The following SVOPL variants were observed in gnomAD, a reference collection of about 807,000 sequenced individuals.
SVOPL encodes the protein putative transporter SVOPL.
Under a neutral mutation model 61.0 loss-of-function variants are expected in SVOPL, and 60 were observed. That is an observed-to-expected ratio of 0.98 (90% confidence interval 0.80 to 1.22). The LOEUF (loss-of-function observed/expected upper bound fraction) is 1.22, where lower values mean the gene tolerates loss of function less well. Ranked by LOEUF, SVOPL falls within the 50% of genes most tolerant of loss-of-function variation. SVOPL has a pLI of 0.00. For synonymous variants in SVOPL, 279 were observed against 250.0 expected, an observed-to-expected ratio of 1.12 and a Z score of -1.09; for missense variants, 662 against 643.9, an observed-to-expected ratio of 1.03 and a Z score of -0.30.
chr7:138,649,231 T>G, intron 7 of SVOPL, 94 bp from the exon 8 acceptor site: 3 of 1,425,094 alleles, frequency 2.1e-6, no homozygotes, highest in Non-Finnish European at 1.9e-6. Flanking sequence ...AAGATTAAAA[T>G]TCCTTCTGTC....
At chr7:138,596,001 A>G (rs1339949256) in intron 15 of SVOPL, among the ~76,000 whole-genome samples, 1 of 152,132 alleles carries the variant, frequency 6.6e-6, no homozygotes, top group Non-Finnish European at 1.5e-5. Context: ...CAGCCTGGCC[A>G]ACATGGTGAA....
At chr7:138,601,087 TA>T (rs1408173343) in intron 14 of SVOPL, among the ~76,000 whole-genome samples, 3 of 150,812 alleles carry the variant, frequency 2.0e-5, no homozygotes, top group African/African-American at 7.3e-5. Flanking sequence ...CTGTCTCTAC[TA>T]AAAAATACAA....
At chr7:138,645,983 T>G (rs1801086249) in intron 8 of SVOPL, 2 of 158,012 alleles carry the variant, frequency 1.3e-5, no homozygotes, top group South Asian at 1.8e-4. Context: ...GCCTGGCTAA[T>G]TTTTGTATTT....
chr7:138,630,657 A>G (rs1401140921), intron 9 of SVOPL, among the ~76,000 whole-genome samples: 5 of 152,178 alleles, frequency 3.3e-5, no homozygotes, highest in Non-Finnish European at 5.9e-5. Flanking sequence ...AACAAGTAAG[A>G]ATGGGCTGGG....
At chr7:138,654,683 CG>C (rs1463465570) in intron 7 of SVOPL, among the ~76,000 whole-genome samples, 1 of 150,846 alleles carries the variant, frequency 6.6e-6, no homozygotes, top group African/African-American at 2.4e-5. Context: ...ACCTACTTCT[CG>C]GAAAAAAAGG....
At chr7:138,614,239 C>A (rs1584782628) in intron 14 of SVOPL, among the ~76,000 whole-genome samples, 1 of 152,232 alleles carries the variant, frequency 6.6e-6, no homozygotes, top group East Asian at 1.9e-4. Flanking sequence ...TTAAGGAATT[C>A]TCCTTCCTCC....
At chr7:138,614,457 G>A (rs1799195837) in intron 14 of SVOPL, among the ~76,000 whole-genome samples, 3 of 149,506 alleles carry the variant, frequency 2.0e-5, no homozygotes, top group African/African-American at 4.9e-5. Flanking sequence ...GTGCAATGGC[G>A]CGATCTCAGC....
At chr7:138,666,513 C>T (rs1802267115) in intron 4 of SVOPL, among the ~76,000 whole-genome samples, 1 of 152,178 alleles carries the variant, frequency 6.6e-6, no homozygotes, top group Admixed American at 6.5e-5. Context: ...GTCAAGGGTT[C>T]AGGGTCTGGC....
At chr7:138,691,703 G>C (rs1335431489) in intron 1 of SVOPL, among the ~76,000 whole-genome samples, 4 of 151,996 alleles carry the variant, frequency 2.6e-5, no homozygotes, top group Non-Finnish European at 4.4e-5. Flanking sequence ...ACCACACCCA[G>C]CTAATTTTTG....
intron 9 of SVOPL, among the ~76,000 whole-genome samples, chr7:138,638,335 A>T (rs1336638160): frequency 6.6e-6 from 1 of 151,768 alleles, no homozygotes; most frequent in African/African-American, 2.4e-5. Flanking sequence ...GATGCAAAAA[A>T]CTCATTAGTA....
intron 14 of SVOPL, among the ~76,000 whole-genome samples, chr7:138,615,560 CAAAAAAAAAAAAAA>C (rs770404185): frequency 3.6e-4 from 2 of 5,542 alleles, no homozygotes; most frequent in Non-Finnish European, 5.1e-4. Context: ...ACTCCGTCTC[CAAAAAAAAAAAAAA>C]AAAAAAAAAA....
At chr7:138,666,135 T>G (rs938966067) in intron 4 of SVOPL, among the ~76,000 whole-genome samples, 2 of 152,242 alleles carry the variant, frequency 1.3e-5, no homozygotes, top group African/African-American at 4.8e-5. Context: ...TCAAAATAAC[T>G]TATGTAGCCT....
intron 14 of SVOPL, among the ~76,000 whole-genome samples, chr7:138,616,340 CTT>C (rs5887891): frequency 6.8e-6 from 1 of 146,114 alleles, no homozygotes; most frequent in African/African-American, 2.5e-5. Flanking sequence ...ATCTTTAATA[CTT>C]TTTTTTTTTT....
At chr7:138,615,846 A>T (rs1055707607) in intron 14 of SVOPL, among the ~76,000 whole-genome samples, 2 of 146,226 alleles carry the variant, frequency 1.4e-5, no homozygotes, top group Non-Finnish European at 3.0e-5. Context: ...GAAAGGAAAA[A>T]TTTTTTAAAA....
chr7:138,679,040 T>G lies in SVOPL; in HGVS notation c.6A>C (p.Ala2=), dbSNP rs1344318840. ...TCGTGACAGGCTCTGTTGGCTTGGTTGCCATCTTCTAAATAGCTCAAGTTC... is the reference window on the plus strand; with the variant it reads ...TCGTGACAGGCTCTGTTGGCTTGGTGGCCATCTTCTAAATAGCTCAAGTTC... The part of the protein sequence containing the change: M[A]TKPTEPVTIL... The change falls in exon 2 of 16, where the codon GCA becomes GCC. Residue 2 remains alanine, a synonymous_variant. Transcript: ENST00000674285. The G allele has an allele frequency of 1.9e-6, 3 of 1,551,530 alleles. No homozygotes were observed.
chr7:138,602,512 T>C (rs1160165883), intron 14 of SVOPL, among the ~76,000 whole-genome samples: 2 of 151,616 alleles, frequency 1.3e-5, no homozygotes, highest in African/African-American at 4.8e-5. Flanking sequence ...CATGTCTACA[T>C]ATATATTCAC....
At chr7:138,629,153 G>GTGTGTGTC (rs10624737) in intron 10 of SVOPL, among the ~76,000 whole-genome samples, 1 of 147,282 alleles carries the variant, frequency 6.8e-6, no homozygotes, top group Non-Finnish European at 1.5e-5. Flanking sequence ...GTGTGTGTGT[G>GTGTGTGTC]TATATATGTA....
rs1402680208 is a variant in SVOPL at position 138,621,798 on chromosome 7, CTATG to C, written c.1264-667_1264-664del. Reference sequence around the variant, plus strand: ...CAGCATATTCTATCTATCTATCTATCTATGTATCTATCTATGTATCTATGTATCT... The same window carrying C: ...CAGCATATTCTATCTATCTATCTATCTATCTATCTATGTATCTATGTATCT... On this transcript the variant is annotated intron_variant, in intron 13 of 15. Coordinates refer to ENST00000674285, the MANE Select transcript of SVOPL (RefSeq NM_001139456.2). Among the ~76,000 whole-genome samples the C allele has an allele frequency of 2.1e-4, 27 of 126,902 alleles. 1 individual carries two copies. Among genetic ancestry groups the C allele is most frequent in the South Asian group, 5.1e-4 (2 of 3,900 alleles). The allele number at this position is 126,902 out of a possible 152,430, so 83.3% of individuals were successfully genotyped here.
rs1243946395 is a variant in SVOPL, at chr7:138,686,561, GGTTTT to G, written c.-34-7487_-34-7483del. ...GGCCTAAGGAGTTTTTTGTTTTTTGGGTTTTTTTTTTTTTTTTTTTTGAGACAGAT... is the reference window on the plus strand; with the variant it reads ...GGCCTAAGGAGTTTTTTGTTTTTTGGTTTTTTTTTTTTTTTTGAGACAGAT... On this transcript the variant is annotated intron_variant, in intron 1 of 15. Transcript: ENST00000674285. 7.3e-4 allele frequency among the ~76,000 whole-genome samples: 96 copies of G among 131,276 alleles called. 2 individuals carry two copies. Among genetic ancestry groups the G allele is most frequent in the African/African-American group, 2.3e-3 (66 of 28,532 alleles). 86.1% of individuals were successfully genotyped at this position (131,276 alleles called of 152,430 possible). A position where few individuals can be genotyped will look rare whatever the true frequency, so the allele number is the denominator to read the frequency against.
Sources: allele counts gnomAD v4.1 joint callset (sites outside exome capture counted in the v4.1 genomes callset), GRCh38; gene constraint gnomAD v4.1.1; transcripts MANE v1.5; gene names NCBI Gene and HGNC (gene_info 2026-07-23, HGNC 2026-07-21).